NSL1: variants seen among roughly 807,000 people sequenced by gnomAD.
NSL1 encodes NSL1 component of MIS12 kinetochore complex, also known as kinetochore-associated protein NSL1 homolog.
NSL1 carries 11 observed loss-of-function variants against 25.4 expected under a neutral mutation model. That is an observed-to-expected ratio of 0.43 (90% CI 0.27 to 0.72). The LOEUF is 0.72. Among genes scored for constraint, NSL1 ranks in the 30% least tolerant of loss-of-function variants. The pLI is 0.19. For missense variants in NSL1, 330 were observed against 342.7 expected, an observed-to-expected ratio of 0.96 and a Z score of 0.29; for synonymous variants, 118 against 120.6, an observed-to-expected ratio of 0.98 and a Z score of 0.14.
rs188399510 is a variant in NSL1 at position 212,777,737 on chromosome 1, A to G, written c.499+4635T>C. 7.9e-5 allele frequency among the ~76,000 whole-genome samples: 12 copies of G among 152,356 alleles called. No homozygotes were observed. The East Asian group carries it at 1.7e-3, about 22-fold the overall frequency. ...GGAAGACACAAAGAAAGTTTCAACTATATCTGAACATTTTAGTTCCTAAAA... is the reference window on the plus strand; with the variant it reads ...GGAAGACACAAAGAAAGTTTCAACTGTATCTGAACATTTTAGTTCCTAAAA... On this transcript the variant is annotated intron_variant, in intron 4 of 5. Coordinates refer to ENST00000366977, the MANE Select transcript of NSL1 (RefSeq NM_015471.4).
chr1:212,736,310 C>T lies in NSL1; in HGVS notation c.*2098G>A. 1 of 981,344 alleles carries T rather than the reference C, an allele frequency of 1.0e-6. No homozygotes were observed. Among genetic ancestry groups the T allele is most frequent in the Non-Finnish European group, 1.2e-6 (1 of 826,248 alleles). The allele number at this position is 981,344 out of a possible 1,614,324, so 60.8% of individuals were successfully genotyped here. The stretch of plus-strand genomic sequence containing the variant: ...AAGTGCTGGGATTACAGGCATGAGC[C>T]CACCGCGCCTGGCTATTTCTTTTCT... On this transcript the variant is annotated 3_prime_UTR_variant, in exon 6 of 6. Transcript: ENST00000366977.
intron 4 of NSL1, 107 bp from the exon 5 acceptor site, chr1:212,739,708 T>C: frequency 9.9e-7 from 1 of 1,011,430 alleles, no homozygotes; most frequent in Non-Finnish European, 1.5e-6. Context: ...TGGACAAAAA[T>C]CTGCTAGGAC....
Position 212,791,532 on chromosome 1 carries a change from A to G in NSL1, c.232T>C (p.Trp78Arg), listed in dbSNP as rs1482410385. The G allele has an allele frequency of 6.2e-7, 1 of 1,613,158 alleles. No homozygotes were observed. The highest frequency in any genetic ancestry group is 2.2e-5 in the East Asian group (1 of 44,884). The change falls in exon 1 of 6, where the codon TGG becomes CGG. Residue 78 changes from tryptophan (W) to arginine (R), a missense_variant and splice_region_variant. Transcript: ENST00000366977. Reference sequence around the variant, plus strand: ...GAACTGGCTAACTGGTCCCGTACCCACTGCGCATCTCGCAGAGCGGGCTCC... The same window carrying G: ...GAACTGGCTAACTGGTCCCGTACCCGCTGCGCATCTCGCAGAGCGGGCTCC... Reference protein sequence around the residue: ...IREPALRDAQWTFESAVQENI... With the variant: ...IREPALRDAQRTFESAVQENI...
chr1:212,761,162 A>G (rs559063189), intron 4 of NSL1, among the ~76,000 whole-genome samples: 1 of 152,382 alleles, frequency 6.6e-6, no homozygotes, highest in East Asian at 1.9e-4. Context: ...ATGTGCAGGT[A>G]TCAACTTAAA....
At chr1:212,791,090 A>C (rs1661223750) in intron 1 of NSL1, among the ~76,000 whole-genome samples, 1 of 152,126 alleles carries the variant, frequency 6.6e-6, no homozygotes, top group South Asian at 2.1e-4. Flanking sequence ...CTTTGTAGTT[A>C]CTGAGCGCTT....
intron 4 of NSL1, among the ~76,000 whole-genome samples, chr1:212,775,579 T>C (rs1261614664): frequency 2.0e-5 from 3 of 148,022 alleles, no homozygotes; most frequent in African/African-American, 5.1e-5. Flanking sequence ...CTAGGCAATA[T>C]AGAAAGACCC....
At chr1:212,766,292 G>A in intron 4 of NSL1, 4 of 603,972 alleles carry the variant, frequency 6.6e-6, no homozygotes, top group South Asian at 4.0e-5. Context: ...AGACAAAGAT[G>A]CCCACTTTCA....
rs558857783 is a variant in NSL1 at position 212,730,323 on chromosome 1, A to G, written c.*8085T>C. On this transcript the variant is annotated 3_prime_UTR_variant, in exon 6 of 6. Coordinates refer to ENST00000366977, the MANE Select transcript of NSL1 (RefSeq NM_015471.4). ...GGTGAAGAGTTGTGTGGAGGGTGGC[A>G]TTCCCATCAAGGTGGCATCAGGGGC... 4 of 983,416 alleles carry G rather than the reference A, an allele frequency of 4.1e-6. No individual in the cohort carries two copies. In the East Asian group the frequency reaches 4.6e-4, roughly 113 times the overall value. The allele number at this position is 983,416 out of a possible 1,614,324, so 60.9% of individuals were successfully genotyped here.
Position 212,733,986 on chromosome 1 carries a change from TTC to T in NSL1, c.*4420_*4421del, listed in dbSNP as rs769067080. Among the ~76,000 whole-genome samples, 32 of 152,164 alleles carry T rather than the reference TTC, an allele frequency of 2.1e-4. No individual in the cohort carries two copies. The highest frequency in any genetic ancestry group is 7.5e-4 in the African/African-American group (31 of 41,440). ...TTTCTAATTTGCCATTTCTTAATCT[TTC>T]TGTTTTATTTTTGGGAAAATTTCAT... is the stretch of plus-strand genomic sequence containing the variant. On this transcript the variant is annotated 3_prime_UTR_variant, in exon 6 of 6. Coordinates refer to ENST00000366977, the MANE Select transcript of NSL1 (RefSeq NM_015471.4).
chr1:212,748,721 T>C (rs1658921110), intron 4 of NSL1, among the ~76,000 whole-genome samples: 1 of 152,170 alleles, frequency 6.6e-6, no homozygotes, highest in African/African-American at 2.4e-5. Context: ...AAAAGGGGTA[T>C]GGGAAACATT....
Position 212,735,323 on chromosome 1 carries a change from A to G in NSL1, c.*3085T>C. The G allele has an allele frequency of 1.0e-6, 1 of 985,434 alleles. No individual in the cohort carries two copies. The allele number at this position is 985,434 out of a possible 1,614,324, so 61.0% of individuals were successfully genotyped here. A position where few individuals can be genotyped will look rare whatever the true frequency, so the allele number is the denominator to read the frequency against. Reference sequence around the variant, plus strand: ...GACTTTTGATCCGAGTAGGTGTCCAACTGTATGTGTTGAACAGATGAATAA... The same window carrying G: ...GACTTTTGATCCGAGTAGGTGTCCAGCTGTATGTGTTGAACAGATGAATAA... On this transcript the variant is annotated 3_prime_UTR_variant, in exon 6 of 6. Transcript: ENST00000366977.
chr1:212,731,187 A>AG lies in NSL1; in HGVS notation c.*7220_*7221insC, dbSNP rs766603045. On this transcript the variant is annotated 3_prime_UTR_variant, in exon 6 of 6. Coordinates refer to ENST00000366977, the MANE Select transcript of NSL1 (RefSeq NM_015471.4). ...TGCAAAACAAATGGTCAGAGGGGAG[A>AG]AAAAAAAAAAAACCTGAAGAAACCA... 4 of 99,426 alleles carry AG rather than the reference A, an allele frequency of 4.0e-5. No homozygotes were observed. Among genetic ancestry groups the AG allele is most frequent in the Non-Finnish European group, 5.1e-5 (4 of 78,712 alleles). 6.2% of individuals were successfully genotyped at this position (99,426 alleles called of 1,614,324 possible).
intron 4 of NSL1, among the ~76,000 whole-genome samples, chr1:212,764,538 C>T (rs113798455): frequency 0.23 from 34,525 of 151,806 alleles, 4,647 homozygotes; most frequent in African/African-American, 0.38. Context: ...GTGAGATTAA[C>T]CAAGAAGACA....
intron 4 of NSL1, among the ~76,000 whole-genome samples, chr1:212,775,226 C>A (rs1660306540): frequency 6.6e-6 from 1 of 152,122 alleles, no homozygotes; most frequent in East Asian, 1.9e-4. Context: ...ACATTAGTGG[C>A]CGCCTAGGAC....
chr1:212,759,825 C>T (rs1659478248), intron 4 of NSL1, among the ~76,000 whole-genome samples: 2 of 152,118 alleles, frequency 1.3e-5, no homozygotes, highest in Admixed American at 1.3e-4. Context: ...CCCCAAGGAA[C>T]CAGCAGTGCA....
intron 4 of NSL1, among the ~76,000 whole-genome samples, chr1:212,744,557 G>A (rs1658668913): frequency 6.6e-6 from 1 of 152,098 alleles, no homozygotes; most frequent in Middle Eastern, 3.2e-3. Flanking sequence ...TTCAGACACT[G>A]GACTGACTAG....
intron 4 of NSL1, among the ~76,000 whole-genome samples, chr1:212,762,463 T>G (rs1659621005): frequency 6.6e-6 from 1 of 152,118 alleles, no homozygotes; most frequent in Admixed American, 6.5e-5. Flanking sequence ...TAAGAGTCAG[T>G]GTTAGCATGC....
rs1258735362 is a variant in NSL1, at chr1:212,726,671, CTG to C, written c.*11735_*11736del. 2 of 154,322 alleles carry C rather than the reference CTG, an allele frequency of 1.3e-5. No homozygotes were observed. The highest frequency in any genetic ancestry group is 2.9e-5 in the Non-Finnish European group (2 of 69,576). 9.6% of individuals were successfully genotyped at this position (154,322 alleles called of 1,614,324 possible). On this transcript the variant is annotated 3_prime_UTR_variant, in exon 6 of 6. Coordinates refer to ENST00000366977, the MANE Select transcript of NSL1 (RefSeq NM_015471.4). ...TGGCTCATCTCAGCTCCCAGCGGCA[CTG>C]TGTTACCCCTGAGGTTGGCTCCTCT...
rs368712467 is a variant in NSL1 at position 212,773,302 on chromosome 1, C to G, written c.499+9070G>C. On this transcript the variant is annotated intron_variant, in intron 4 of 5. Transcript: ENST00000366977. ...TATTCATCCAATGGGGGACTAGTAT[C>G]CAATATACACAAGAAGCTCAAATAA... Among the ~76,000 whole-genome samples the G allele has an allele frequency of 6.6e-4, 100 of 151,962 alleles. 1 individual carries two copies. In the South Asian group the frequency reaches 0.019, roughly 29 times the overall value.
Sources: gnomAD v4.1 joint callset for allele counts (sites outside exome capture counted in the v4.1 genomes callset) on GRCh38, gnomAD v4.1.1 for gene constraint, MANE v1.5 for transcripts, NCBI Gene and HGNC (gene_info 2026-07-23, HGNC 2026-07-21) for gene names.